Variants in ADARB2 observed in about 807,000 individuals in gnomAD.
ADARB2 encodes inactive double-stranded RNA-specific editase B2.
A neutral mutation model predicts 62.2 loss-of-function variants in ADARB2; 25 were observed. The observed-to-expected ratio is 0.40, with a 90% CI of 0.29 to 0.56. The LOEUF (loss-of-function observed/expected upper bound fraction) is 0.56. Among genes scored for constraint, ADARB2 ranks in the 20% least tolerant of loss-of-function variants. The probability of loss-of-function intolerance (pLI) is 0.43; values close to 1 mark genes in which losing one functional copy is unlikely to be tolerated. For synonymous variants in ADARB2, 572 were observed against 500.8 expected, an observed-to-expected ratio of 1.14 and a Z score of -1.90; for missense variants, 1,071 against 1,077.4, an observed-to-expected ratio of 0.99 and a Z score of 0.08.
chr10:1,221,030 C>T (rs1000489566), intron 6 of ADARB2, among the ~76,000 whole-genome samples: 8 of 152,188 alleles, frequency 5.3e-5, no homozygotes, highest in Admixed American at 2.0e-4. Flanking sequence ...GCTTGAATGT[C>T]GGTGATCCTG....
chr10:1,479,715 A>G (rs1357315604), intron 1 of ADARB2, among the ~76,000 whole-genome samples: 2 of 152,138 alleles, frequency 1.3e-5, no homozygotes, highest in African/African-American at 2.4e-5. Context: ...AGGTCAATTT[A>G]CTTAGTTATT....
chr10:1,363,415 C>T lies in ADARB2; in HGVS notation c.690G>A (p.Pro230=), dbSNP rs969318054. 2 of 1,368,648 alleles carry T rather than the reference C, an allele frequency of 1.5e-6. No individual in the cohort carries two copies. Among genetic ancestry groups the T allele is most frequent in the Non-Finnish European group, 1.9e-6 (2 of 1,059,444 alleles). The allele number at this position is 1,368,648 out of a possible 1,614,324, so 84.8% of individuals were successfully genotyped here. ...PDTLFQEFEP[P]APRPGLAGGR... is the part of the protein sequence containing the mutation. ...CTCCCGCGAGTCCGGGGCGCGGCGC[C>T]GGGGGCTCGAACTCCTGGAAGAGCG... The change falls in exon 3 of 10, where the codon CCG becomes CCA. Residue 230 remains proline, a synonymous_variant. Coordinates refer to ENST00000381312, the MANE Select transcript of ADARB2 (RefSeq NM_018702.4).
intron 8 of ADARB2, among the ~76,000 whole-genome samples, chr10:1,196,755 T>C (rs1436329733): frequency 6.6e-6 from 1 of 152,174 alleles, no homozygotes; most frequent in Non-Finnish European, 1.5e-5. Context: ...ATATTAGGAT[T>C]TCTTTTCTTT....
intron 3 of ADARB2, among the ~76,000 whole-genome samples, chr10:1,331,399 T>A (rs1248841168): frequency 6.6e-6 from 1 of 152,196 alleles, no homozygotes; most frequent in Non-Finnish European, 1.5e-5. Flanking sequence ...ATTCTGGACA[T>A]CCATACAGTG....
chr10:1,249,605 T>A (rs984267790), intron 4 of ADARB2, among the ~76,000 whole-genome samples: 7 of 149,478 alleles, frequency 4.7e-5, no homozygotes, highest in Admixed American at 4.0e-4. Context: ...TTTTCCTGAA[T>A]GTGATTTTAT....
At chr10:1,526,154 C>T (rs912360127) in intron 1 of ADARB2, among the ~76,000 whole-genome samples, 2 of 151,620 alleles carry the variant, frequency 1.3e-5, no homozygotes, top group South Asian at 2.1e-4. Context: ...CTTGCACTTG[C>T]GCGGCTGCTC....
At chr10:1,190,101 A>G (rs1460193243) in intron 8 of ADARB2, among the ~76,000 whole-genome samples, 1 of 152,094 alleles carries the variant, frequency 6.6e-6, no homozygotes, top group Non-Finnish European at 1.5e-5. Context: ...GCTGAGCTCC[A>G]AGGAGAAATG....
intron 1 of ADARB2, among the ~76,000 whole-genome samples, chr10:1,584,067 ACC>A (rs1444641043): frequency 6.6e-6 from 1 of 152,208 alleles, no homozygotes; most frequent in Non-Finnish European, 1.5e-5. Flanking sequence ...AATGTAGATG[ACC>A]TTAGGTATGA....
At chr10:1,590,663 A>T (rs1833240104) in intron 1 of ADARB2, among the ~76,000 whole-genome samples, 1 of 152,170 alleles carries the variant, frequency 6.6e-6, no homozygotes, top group African/African-American at 2.4e-5. Flanking sequence ...CTTTTCATGT[A>T]TTTCATGTAG....
intron 4 of ADARB2, among the ~76,000 whole-genome samples, 167 bp from the exon 5 acceptor site, chr10:1,242,466 G>A (rs1285202777): frequency 2.0e-5 from 3 of 152,238 alleles, no homozygotes; most frequent in South Asian, 4.1e-4. Flanking sequence ...AGGCTGTCAC[G>A]GGTGACCGCC....
chr10:1,356,302 C>A (rs923793263), intron 3 of ADARB2, among the ~76,000 whole-genome samples: 1 of 152,194 alleles, frequency 6.6e-6, no homozygotes, highest in Non-Finnish European at 1.5e-5. Flanking sequence ...TGGGATCATT[C>A]CTGCTTCAAA....
At chr10:1,366,497 G>A (rs900750924) in intron 2 of ADARB2, among the ~76,000 whole-genome samples, 1 of 152,116 alleles carries the variant, frequency 6.6e-6, no homozygotes, top group Non-Finnish European at 1.5e-5. Context: ...CTTGGCTCAT[G>A]CAGAACCTGG....
chr10:1,506,952 C>G (rs1303837695), intron 1 of ADARB2, among the ~76,000 whole-genome samples: 1 of 152,192 alleles, frequency 6.6e-6, no homozygotes, highest in Non-Finnish European at 1.5e-5. Flanking sequence ...GGTCGGAGGC[C>G]AGGATGTCAG....
At chr10:1,727,333 T>A (rs1835179242) in intron 1 of ADARB2, among the ~76,000 whole-genome samples, 2 of 152,218 alleles carry the variant, frequency 1.3e-5, no homozygotes, top group East Asian at 1.9e-4. Context: ...TCTCTGCTCG[T>A]CTCGTCACCC....
intron 4 of ADARB2, among the ~76,000 whole-genome samples, chr10:1,243,069 G>A (rs1272417315): frequency 2.6e-5 from 4 of 152,212 alleles, no homozygotes; most frequent in East Asian, 3.8e-4. Flanking sequence ...TTGAGGACAC[G>A]AGTCAGAATT....
chr10:1,345,198 G>A (rs1261880635), intron 3 of ADARB2, among the ~76,000 whole-genome samples: 1 of 152,006 alleles, frequency 6.6e-6, no homozygotes, highest in African/African-American at 2.4e-5. Flanking sequence ...CCCCCCTCAC[G>A]AGGCCTCGTC....
chr10:1,692,096 T>TA (rs1254226714), intron 1 of ADARB2, among the ~76,000 whole-genome samples: 1 of 152,168 alleles, frequency 6.6e-6, no homozygotes, highest in Non-Finnish European at 1.5e-5. Flanking sequence ...CTGAATCCCA[T>TA]TGTGTGTTCA....
At chr10:1,333,953 T>C (rs1471714838) in intron 3 of ADARB2, among the ~76,000 whole-genome samples, 2 of 152,208 alleles carry the variant, frequency 1.3e-5, no homozygotes, top group Non-Finnish European at 2.9e-5. Flanking sequence ...CCAGTGGTCT[T>C]TTTACAAACG....
chr10:1,614,042 A>T (rs1833601953), intron 1 of ADARB2, among the ~76,000 whole-genome samples: 1 of 152,258 alleles, frequency 6.6e-6, no homozygotes, highest in African/African-American at 2.4e-5. Context: ...ACTTTTCTTT[A>T]CTGGAAATTA....
Sources: gnomAD v4.1 joint callset for allele counts (sites outside exome capture counted in the v4.1 genomes callset) on GRCh38, gnomAD v4.1.1 for gene constraint, MANE v1.5 for transcripts, NCBI Gene and HGNC (gene_info 2026-07-23, HGNC 2026-07-21) for gene names.